The following CNTNAP5 variants were observed in gnomAD, a reference collection of about 807,000 sequenced individuals.
CNTNAP5 encodes the protein contactin-associated protein-like 5.
Under a neutral mutation model 150.2 loss-of-function variants are expected in CNTNAP5, and 72 were observed. The ratio of observed to expected loss-of-function variants is 0.48; its 90% CI spans 0.40 to 0.58. CNTNAP5 has a LOEUF of 0.58. Ranked by LOEUF, CNTNAP5 falls within the 20% of genes least tolerant of loss-of-function variation. The pLI, the probability that CNTNAP5 is intolerant of heterozygous loss-of-function variation, is 0.00. For missense variants in CNTNAP5, 1,636 were observed against 1,626.2 expected, an observed-to-expected ratio of 1.01 and a Z score of -0.10; for synonymous variants, 672 against 619.8, an observed-to-expected ratio of 1.08 and a Z score of -1.25.
chr2:124,174,119 A>AAAAAG (rs1685005608), intron 1 of CNTNAP5, among the ~76,000 whole-genome samples: 1 of 152,134 alleles, frequency 6.6e-6, no homozygotes, highest in African/African-American at 2.4e-5. Context: ...GGAAAAAAAA[A>AAAAAG]AAAAAAGATT....
At chr2:124,839,387 C>A (rs1444154310) in intron 19 of CNTNAP5, among the ~76,000 whole-genome samples, 1 of 151,938 alleles carries the variant, frequency 6.6e-6, no homozygotes, top group Admixed American at 6.6e-5. Context: ...CGCCTCAATG[C>A]ACACAATCTG....
chr2:124,132,157 G>A (rs970751887), intron 1 of CNTNAP5, among the ~76,000 whole-genome samples: 9 of 152,100 alleles, frequency 5.9e-5, no homozygotes, highest in Non-Finnish European at 1.0e-4. Context: ...GTTTCATAAG[G>A]GCCCATTTTC....
chr2:124,396,733 C>T (rs1573965715), intron 3 of CNTNAP5, among the ~76,000 whole-genome samples: 2 of 152,156 alleles, frequency 1.3e-5, no homozygotes, highest in East Asian at 3.9e-4. Flanking sequence ...AGTAAATTCA[C>T]TGGTAATGTG....
At chr2:124,145,829 G>GAAAAAAAAAAA (rs1558773932) in intron 1 of CNTNAP5, among the ~76,000 whole-genome samples, 4 of 25,174 alleles carry the variant, frequency 1.6e-4, no homozygotes, top group Middle Eastern at 0.029. Context: ...AAAAAAAAAA[G>GAAAAAAAAAAA]AAGAAAAAAA....
chr2:124,637,547 T>A (rs1677997122), intron 12 of CNTNAP5, among the ~76,000 whole-genome samples: 1 of 152,160 alleles, frequency 6.6e-6, no homozygotes, highest in African/African-American at 2.4e-5. Flanking sequence ...GTGAAGGCAG[T>A]TTACAACCAG....
chr2:124,759,399 AT>A (rs1479273422), intron 14 of CNTNAP5, among the ~76,000 whole-genome samples: 1 of 147,124 alleles, frequency 6.8e-6, no homozygotes, highest in Admixed American at 6.8e-5. Flanking sequence ...AATTATATAT[AT>A]ATCTATATAT....
intron 11 of CNTNAP5, among the ~76,000 whole-genome samples, chr2:124,591,212 G>A (rs942007553): frequency 6.6e-6 from 1 of 152,252 alleles, no homozygotes; most frequent in Admixed American, 6.5e-5. Context: ...TCTTGTTACT[G>A]ATAATGTTTA....
At chr2:124,164,214 C>T (rs541536841) in intron 1 of CNTNAP5, among the ~76,000 whole-genome samples, 1 of 152,288 alleles carries the variant, frequency 6.6e-6, no homozygotes, top group East Asian at 1.9e-4. Flanking sequence ...ATACTCCTGC[C>T]TTCATGGAAC....
At chr2:124,725,708 A>T (rs966586847) in intron 13 of CNTNAP5, among the ~76,000 whole-genome samples, 1 of 151,960 alleles carries the variant, frequency 6.6e-6, no homozygotes. Flanking sequence ...TTCGAACGAC[A>T]TGTCTCTACT....
intron 22 of CNTNAP5, among the ~76,000 whole-genome samples, chr2:124,911,181 A>AGGGT (rs532827471): frequency 9.9e-5 from 15 of 151,982 alleles, no homozygotes; most frequent in Non-Finnish European, 2.1e-4. Context: ...CATTAGGAGC[A>AGGGT]GGGTGAGGGC....
At chr2:124,428,145 C>A (rs1412429743) in intron 4 of CNTNAP5, among the ~76,000 whole-genome samples, 1 of 152,142 alleles carries the variant, frequency 6.6e-6, no homozygotes, top group Non-Finnish European at 1.5e-5. Flanking sequence ...GACTGCCCTT[C>A]CCACTTCCAC....
At chr2:124,322,164 TAAAATAAAATAAAATAA>T (rs1158342787) in intron 3 of CNTNAP5, among the ~76,000 whole-genome samples, 2 of 40,234 alleles carry the variant, frequency 5.0e-5, no homozygotes, top group Non-Finnish European at 5.1e-5. Flanking sequence ...ATAATAATAA[TAAAATAAAATAAAATAA>T]AATAAAATAA....
At chr2:124,301,055 A>G (rs1238121092) in intron 3 of CNTNAP5, among the ~76,000 whole-genome samples, 1 of 152,212 alleles carries the variant, frequency 6.6e-6, no homozygotes, top group African/African-American at 2.4e-5. Flanking sequence ...TGCAGTATCT[A>G]AGCTCACACT....
At chr2:124,621,282 G>A (rs1350034896) in intron 12 of CNTNAP5, among the ~76,000 whole-genome samples, 1 of 152,164 alleles carries the variant, frequency 6.6e-6, no homozygotes, top group Non-Finnish European at 1.5e-5. Flanking sequence ...TTATCTTGAT[G>A]GATTCAATGC....
intron 19 of CNTNAP5, among the ~76,000 whole-genome samples, chr2:124,848,583 T>G (rs1683096016): frequency 6.6e-6 from 1 of 152,168 alleles, no homozygotes; most frequent in Non-Finnish European, 1.5e-5. Context: ...CAAACTGTTT[T>G]CCATAAGTGC....
rs570593927 is a variant in CNTNAP5 at position 124,162,745 on chromosome 2, C to T, written c.83-58960C>T. Reference sequence around the variant, plus strand: ...AATTTTTGTCTTTTTGAAAAGTAAGCTTGGAATTATTTAGTTTCTATATGC... The same window carrying T: ...AATTTTTGTCTTTTTGAAAAGTAAGTTTGGAATTATTTAGTTTCTATATGC... On this transcript the variant is annotated intron_variant, in intron 1 of 23. Transcript: ENST00000682447. 4.6e-5 allele frequency among the ~76,000 whole-genome samples: 7 copies of T among 152,150 alleles called. No homozygotes were observed. The South Asian group carries it at 1.5e-3, about 32-fold the overall frequency.
chr2:124,432,735 A>G (rs557574932), intron 4 of CNTNAP5, among the ~76,000 whole-genome samples: 1 of 152,328 alleles, frequency 6.6e-6, no homozygotes, highest in Non-Finnish European at 1.5e-5. Context: ...AAGCCAAAAC[A>G]TGACAGAAAA....
intron 3 of CNTNAP5, among the ~76,000 whole-genome samples, chr2:124,296,337 G>T (rs1027005026): frequency 2.0e-5 from 3 of 152,200 alleles, no homozygotes; most frequent in Non-Finnish European, 4.4e-5. Flanking sequence ...AAAGGCAAGT[G>T]AAACAAAACA....
chr2:124,644,485 TA>T (rs1214357126), intron 12 of CNTNAP5, among the ~76,000 whole-genome samples: 1 of 152,172 alleles, frequency 6.6e-6, no homozygotes, highest in Non-Finnish European at 1.5e-5. Context: ...ATGATATTGG[TA>T]AAGCAATTCA....
Sources: gnomAD v4.1 joint callset for allele counts (sites outside exome capture counted in the v4.1 genomes callset) on GRCh38, gnomAD v4.1.1 for gene constraint, MANE v1.5 for transcripts, NCBI Gene and HGNC (gene_info 2026-07-23, HGNC 2026-07-21) for gene names.